GSE1: variants seen among roughly 807,000 people sequenced by gnomAD.
The protein encoded by GSE1 is Gse1 coiled-coil protein.
Under a neutral mutation model 112.6 loss-of-function variants are expected in GSE1, and 32 were observed. That is an observed-to-expected ratio of 0.28 (90% CI 0.21 to 0.38). GSE1 has a LOEUF of 0.38. Ranked by LOEUF, GSE1 falls within the 10% of genes least tolerant of loss-of-function variation. GSE1 has a pLI of 1.00. For synonymous variants in GSE1, 1,115 were observed against 735.6 expected, an observed-to-expected ratio of 1.52 and a Z score of -8.35; for missense variants, 2,348 against 1,699.2, an observed-to-expected ratio of 1.38 and a Z score of -6.71.
chr16:85,654,281 G>C lies in GSE1; in HGVS notation c.430G>C (p.Ala144Pro), dbSNP rs146142460. 17 of 1,594,402 alleles carry C rather than the reference G, an allele frequency of 1.1e-5. No individual in the cohort carries two copies. In the African/African-American group the frequency reaches 2.3e-4, roughly 22 times the overall value. The change falls in exon 4 of 16, where the codon GCC becomes CCC. Residue 144 changes from alanine to proline, a missense_variant. Transcript: ENST00000253458. ...ACTGGACGCTCTCCTCCCGCAGGATGCCGGCTCCAGGAGCAGCAGTGGAGG... is the reference window on the plus strand; with the variant it reads ...ACTGGACGCTCTCCTCCCGCAGGATCCCGGCTCCAGGAGCAGCAGTGGAGG... ...GVWRSESRQD[A>P]GSRSSSGGRE...
At chr16:85,638,304 C>T (rs921747069) in intron 2 of GSE1, among the ~76,000 whole-genome samples, 4 of 152,164 alleles carry the variant, frequency 2.6e-5, no homozygotes, top group African/African-American at 4.8e-5. Context: ...TTTCTGGAGG[C>T]GCTGAGACGT....
intron 2 of GSE1, among the ~76,000 whole-genome samples, chr16:85,635,548 G>A (rs2049925133): frequency 6.6e-6 from 1 of 152,224 alleles, no homozygotes; most frequent in South Asian, 2.1e-4. Flanking sequence ...CAGACCCTGG[G>A]AGGAAGCTGA....
chr16:85,427,948 T>A lies in GSE1; in HGVS notation c.2464+70305T>A, dbSNP rs180670837. On this transcript the variant is annotated intron_variant, in intron 2 of 2. Transcript: ENST00000637419. The stretch of plus-strand genomic sequence containing the variant: ...ATATTCCATATCCTTATTTTTGTCC[T>A]AAATCTTCAAAAGCCAGTGTGAATT... Among the ~76,000 whole-genome samples, 29 of 152,398 alleles carry A rather than the reference T, an allele frequency of 1.9e-4. No individual in the cohort carries two copies. The East Asian group carries it at 5.2e-3, about 27-fold the overall frequency.
At chr16:85,263,934 G>T (rs1461984695) in intron 1 of GSE1, among the ~76,000 whole-genome samples, 2 of 152,138 alleles carry the variant, frequency 1.3e-5, no homozygotes, top group African/African-American at 4.8e-5. Flanking sequence ...TCACAGAGCT[G>T]CTGGTCGGCA....
At position 85,431,941 on chromosome 16, in the gene GSE1, C is replaced by T. The variant is rs533686825; in HGVS notation, c.2464+74298C>T. ...AAAACTCATCAAGATTAATGAGTGGCGGGGCTGTGGGAGGGGCATCCCAGG... is the reference window on the plus strand; with the variant it reads ...AAAACTCATCAAGATTAATGAGTGGTGGGGCTGTGGGAGGGGCATCCCAGG... On this transcript the variant is annotated intron_variant, in intron 2 of 2. Coordinates refer to the GSE1 transcript ENST00000637419. 2.6e-5 allele frequency among the ~76,000 whole-genome samples: 4 copies of T among 152,224 alleles called. No homozygotes were observed. The East Asian group carries it at 5.8e-4, about 22-fold the overall frequency.
At chr16:85,246,660 G>A (rs1016482067) in intron 1 of GSE1, among the ~76,000 whole-genome samples, 2 of 152,052 alleles carry the variant, frequency 1.3e-5, no homozygotes, top group Non-Finnish European at 2.9e-5. Flanking sequence ...AGGGGTTCTG[G>A]GCACCAGGCC....
At chr16:85,426,852 A>G (rs537388305) in intron 2 of GSE1, among the ~76,000 whole-genome samples, 1 of 152,280 alleles carries the variant, frequency 6.6e-6, no homozygotes, top group African/African-American at 2.4e-5. Context: ...TGGCTCATGC[A>G]TCCTCATCTT....
At chr16:85,344,912 C>T (rs973400895) in intron 1 of GSE1, among the ~76,000 whole-genome samples, 4 of 152,252 alleles carry the variant, frequency 2.6e-5, no homozygotes, top group African/African-American at 9.6e-5. Flanking sequence ...GCAGGTGACC[C>T]GTGGGTGCTG....
chr16:85,593,377 T>G (rs1461687477), intron 1 of GSE1: 1 of 149,756 alleles, frequency 6.7e-6, no homozygotes, highest in Non-Finnish European at 1.5e-5. Flanking sequence ...CTCCAGGGCC[T>G]GGCAAGGCTG....
chr16:85,210,475 G>T (rs1379266147), intron 1 of GSE1, among the ~76,000 whole-genome samples: 2 of 152,174 alleles, frequency 1.3e-5, no homozygotes, highest in Non-Finnish European at 2.9e-5. Context: ...TGTAGTCCCA[G>T]TTACTCGGGA....
At chr16:85,202,426 G>A (rs1332442957) in intron 1 of GSE1, among the ~76,000 whole-genome samples, 1 of 152,252 alleles carries the variant, frequency 6.6e-6, no homozygotes, top group Non-Finnish European at 1.5e-5. Flanking sequence ...AGAGAGCGGG[G>A]GTGGGGCCCA....
intron 1 of GSE1, among the ~76,000 whole-genome samples, chr16:85,619,151 C>T (rs1349372473): frequency 6.6e-6 from 1 of 152,158 alleles, no homozygotes; most frequent in African/African-American, 2.4e-5. Flanking sequence ...TTTTTAGGAG[C>T]CTCAACGTCC....
At chr16:85,404,082 G>C (rs1230041374) in intron 2 of GSE1, among the ~76,000 whole-genome samples, 1 of 151,532 alleles carries the variant, frequency 6.6e-6, no homozygotes, top group African/African-American at 2.4e-5. Flanking sequence ...ACCAGCTTGT[G>C]ATTGGACACA....
chr16:85,379,367 C>T (rs982293701), intron 2 of GSE1, among the ~76,000 whole-genome samples: 1 of 152,214 alleles, frequency 6.6e-6, no homozygotes, highest in Non-Finnish European at 1.5e-5. Context: ...TGCCTGGCCC[C>T]GTGAGGTGGC....
chr16:85,636,153 T>C (rs924587588), intron 2 of GSE1, among the ~76,000 whole-genome samples: 1 of 151,952 alleles, frequency 6.6e-6, no homozygotes, highest in Non-Finnish European at 1.5e-5. Flanking sequence ...CTGGGAAGGG[T>C]CCCCCATGGT....
At chr16:85,482,608 T>C (rs1046031394) in intron 2 of GSE1, among the ~76,000 whole-genome samples, 1 of 152,140 alleles carries the variant, frequency 6.6e-6, no homozygotes, top group Non-Finnish European at 1.5e-5. Context: ...CCAGCCTCTG[T>C]TTTGAAGTGT....
At chr16:85,472,659 C>T (rs1036518193) in intron 2 of GSE1, among the ~76,000 whole-genome samples, 1 of 152,234 alleles carries the variant, frequency 6.6e-6, no homozygotes, top group Non-Finnish European at 1.5e-5. Context: ...CTGGCCTCCC[C>T]CTGTTGGAGC....
chr16:85,187,767 A>G (rs1045384399), intron 1 of GSE1, among the ~76,000 whole-genome samples: 33 of 152,284 alleles, frequency 2.2e-4, no homozygotes, highest in Non-Finnish European at 4.6e-4. Context: ...ACCTCACAGG[A>G]CTGTGGGACA....
At chr16:85,428,145 T>C (rs955898909) in intron 2 of GSE1, among the ~76,000 whole-genome samples, 2 of 152,156 alleles carry the variant, frequency 1.3e-5, no homozygotes, top group Non-Finnish European at 2.9e-5. Context: ...CCCACCCTTG[T>C]CTCTTTGAGC....
Sources: allele counts gnomAD v4.1 joint callset (sites outside exome capture counted in the v4.1 genomes callset), GRCh38; gene constraint gnomAD v4.1.1; transcripts MANE v1.5; gene names NCBI Gene and HGNC (gene_info 2026-07-23, HGNC 2026-07-21).